SUGCT: variants seen among roughly 807,000 people sequenced by gnomAD.
The protein encoded by SUGCT is succinyl-CoA:glutarate CoA-transferase.
SUGCT carries 41 observed loss-of-function variants against 55.0 expected under a neutral mutation model. That is an observed-to-expected ratio of 0.74 (90% confidence interval 0.58 to 0.97). The LOEUF (loss-of-function observed/expected upper bound fraction) is 0.97, where lower values mean the gene tolerates loss of function less well. SUGCT is among the 50% of genes least tolerant of loss of function. SUGCT has a pLI of 0.00. For synonymous variants in SUGCT, 187 were observed against 200.4 expected, an observed-to-expected ratio of 0.93 and a Z score of 0.56; for missense variants, 568 against 547.8, an observed-to-expected ratio of 1.04 and a Z score of -0.37.
chr7:40,733,496 A>G (rs1206462781), intron 12 of SUGCT, among the ~76,000 whole-genome samples: 1 of 152,222 alleles, frequency 6.6e-6, no homozygotes, highest in Non-Finnish European at 1.5e-5. Flanking sequence ...CCAAAATGTA[A>G]AATGAAAACA....
chr7:40,202,758 G>A (rs1408565539), intron 6 of SUGCT, among the ~76,000 whole-genome samples: 1 of 152,052 alleles, frequency 6.6e-6, no homozygotes, highest in African/African-American at 2.4e-5. Context: ...CCTGTTTTTT[G>A]TGGTTGTCTA....
At chr7:40,192,893 A>C (rs1270515368) in intron 5 of SUGCT, among the ~76,000 whole-genome samples, 1 of 151,092 alleles carries the variant, frequency 6.6e-6, no homozygotes, top group East Asian at 2.0e-4. Flanking sequence ...TCAGCCTCCC[A>C]AAGAGCTGGG....
intron 13 of SUGCT, among the ~76,000 whole-genome samples, chr7:40,819,333 A>G (rs2128765206): frequency 6.6e-6 from 1 of 152,290 alleles, no homozygotes; most frequent in Admixed American, 6.5e-5. Context: ...AAATCACCAC[A>G]CTGTCTTCCA....
intron 12 of SUGCT, among the ~76,000 whole-genome samples, chr7:40,684,958 G>A (rs1784402203): frequency 6.6e-6 from 1 of 152,148 alleles, no homozygotes. Context: ...AGCCTCCCAA[G>A]TAGCTGGGAC....
chr7:40,704,646 A>C (rs894495080), intron 12 of SUGCT, among the ~76,000 whole-genome samples: 1 of 152,150 alleles, frequency 6.6e-6, no homozygotes, highest in Non-Finnish European at 1.5e-5. Context: ...CAGCTTCCAC[A>C]TACCTGAGAG....
intron 9 of SUGCT, among the ~76,000 whole-genome samples, chr7:40,320,167 C>G (rs1381804902): frequency 6.6e-6 from 1 of 150,974 alleles, no homozygotes; most frequent in Non-Finnish European, 1.5e-5. Context: ...AGTGCAGTGG[C>G]GTGATCTTGG....
In SUGCT at chr7:40,245,416, TATATATA is replaced by T. The variant is rs1360835615; in HGVS notation, c.576+7691_576+7697del. Among the ~76,000 whole-genome samples, 8 of 30,252 alleles carry T rather than the reference TATATATA, an allele frequency of 2.6e-4. 1 individual carries two copies. Among genetic ancestry groups the T allele is most frequent in the Non-Finnish European group, 4.6e-4 (8 of 17,468 alleles). The allele number at this position is 30,252 out of a possible 152,430, so 19.8% of individuals were successfully genotyped here. A position where few individuals can be genotyped will look rare whatever the true frequency, so the allele number is the denominator to read the frequency against. ...GGTACGTAGTAGACATATATATATATATATATATTTTTTTTTTTTTTTTTTTTTTTTT... is the reference window on the plus strand; with the variant it reads ...GGTACGTAGTAGACATATATATATATTTTTTTTTTTTTTTTTTTTTTTTTT... On this transcript the variant is annotated intron_variant, in intron 7 of 13. Transcript: ENST00000335693.
chr7:40,574,126 G>A (rs1343879574), intron 12 of SUGCT, among the ~76,000 whole-genome samples: 1 of 152,086 alleles, frequency 6.6e-6, no homozygotes. Flanking sequence ...AGTCCTCTGT[G>A]AGTCTCTGTG....
chr7:40,436,006 CAAT>C (rs1421327849), intron 9 of SUGCT, among the ~76,000 whole-genome samples: 1 of 145,986 alleles, frequency 6.8e-6, no homozygotes, highest in African/African-American at 2.5e-5. Flanking sequence ...TACAGTGGCA[CAAT>C]CTCAGCTCAC....
At chr7:40,429,831 C>T (rs1787798830) in intron 9 of SUGCT, among the ~76,000 whole-genome samples, 1 of 152,120 alleles carries the variant, frequency 6.6e-6, no homozygotes, top group Non-Finnish European at 1.5e-5. Flanking sequence ...TAATATTAAC[C>T]ATCACACATA....
At chr7:40,736,016 A>T (rs949130597) in intron 12 of SUGCT, among the ~76,000 whole-genome samples, 1 of 151,912 alleles carries the variant, frequency 6.6e-6, no homozygotes, top group Non-Finnish European at 1.5e-5. Context: ...ATTAAATGGT[A>T]GATTAGATAG....
intron 12 of SUGCT, among the ~76,000 whole-genome samples, chr7:40,648,809 G>A (rs2151836067): frequency 6.6e-6 from 1 of 152,316 alleles, no homozygotes; most frequent in South Asian, 2.1e-4. Context: ...AAAGAGACCA[G>A]GTGGGATTTT....
chr7:40,821,823 G>T (rs910883930), intron 13 of SUGCT, among the ~76,000 whole-genome samples: 2 of 152,044 alleles, frequency 1.3e-5, no homozygotes, highest in African/African-American at 4.8e-5. Context: ...GAATGTGTTT[G>T]CTCTTGCTTC....
chr7:40,339,047 G>A (rs1469768231), intron 9 of SUGCT, among the ~76,000 whole-genome samples: 1 of 152,196 alleles, frequency 6.6e-6, no homozygotes, highest in Non-Finnish European at 1.5e-5. Context: ...CAGCAGTGGA[G>A]GCTACAGAAC....
chr7:40,385,061 C>T (rs61240075), intron 9 of SUGCT, among the ~76,000 whole-genome samples: 3,306 of 152,060 alleles, frequency 0.022, 118 homozygotes, highest in African/African-American at 0.074. Flanking sequence ...AAGATAAAGG[C>T]GAGACGATTG....
chr7:40,816,578 G>T (rs534038186), intron 13 of SUGCT, among the ~76,000 whole-genome samples: 1 of 152,070 alleles, frequency 6.6e-6, no homozygotes, highest in Admixed American at 6.5e-5. Flanking sequence ...CCTGGATTCT[G>T]GTTTGTTCTT....
intron 12 of SUGCT, among the ~76,000 whole-genome samples, chr7:40,554,615 A>G (rs944356688): frequency 1.3e-5 from 2 of 152,244 alleles, no homozygotes; most frequent in Non-Finnish European, 2.9e-5. Context: ...TGACTTTTAC[A>G]GAAGAGGTGT....
chr7:40,252,052 A>C (rs1417856343), intron 7 of SUGCT, among the ~76,000 whole-genome samples: 1 of 152,210 alleles, frequency 6.6e-6, no homozygotes, highest in South Asian at 2.1e-4. Context: ...TCAATATTCT[A>C]TCTTTATGAA....
At chr7:40,677,619 A>T (rs920455192) in intron 12 of SUGCT, among the ~76,000 whole-genome samples, 1 of 152,150 alleles carries the variant, frequency 6.6e-6, no homozygotes, top group African/African-American at 2.4e-5. Flanking sequence ...ACTCCTGTTT[A>T]TGTCTCACTG....
Sources: allele counts gnomAD v4.1 joint callset (sites outside exome capture counted in the v4.1 genomes callset), GRCh38; gene constraint gnomAD v4.1.1; transcripts MANE v1.5; gene names NCBI Gene and HGNC (gene_info 2026-07-23, HGNC 2026-07-21).